The following GCGR variants were observed in gnomAD, a reference collection of about 807,000 sequenced individuals.
GCGR encodes glucagon receptor.
A neutral mutation model predicts 56.1 loss-of-function variants in GCGR; 41 were observed. The ratio of observed to expected loss-of-function variants is 0.73; its 90% CI spans 0.57 to 0.95. GCGR has a LOEUF of 0.95. Among genes scored for constraint, GCGR ranks in the 40% least tolerant of loss-of-function variants. The pLI is 0.00. For missense variants in GCGR, 595 were observed against 638.2 expected (o/e 0.93, Z 0.73); for synonymous variants, 278 against 271.1 (o/e 1.03, Z -0.25).
chr17:81,812,367 C>A lies in GCGR; in HGVS notation c.948+115C>A. 1 of 1,241,784 alleles carries A rather than the reference C, an allele frequency of 8.1e-7. No homozygotes were observed. The highest frequency in any genetic ancestry group is 1.1e-6 in the Non-Finnish European group (1 of 886,920). The allele number at this position is 1,241,784 out of a possible 1,614,324, so 76.9% of individuals were successfully genotyped here. ...AGAGCGCTGGGAGGGAGCCGGCACC[C>A]AGACAGGACACCAGGACACTGGCCA... On this transcript the variant is annotated intron_variant, in intron 10 of 13. Transcript: ENST00000400723. This position sits in a 1 kb window ranked among gnomAD's most constrained non-coding sequence, Gnocchi z 8.5.
In GCGR at chr17:81,810,529, G is replaced by A. The variant is rs1261060459; in HGVS notation, c.164-296G>A. On this transcript the variant is annotated intron_variant, in intron 3 of 13. Coordinates refer to ENST00000400723, the MANE Select transcript of GCGR (RefSeq NM_000160.5). This position sits in a 1 kb window ranked among gnomAD's most constrained non-coding sequence, Gnocchi z 4.6. ...GAATGGGGGACCCCAGTGTGGGTTT[G>A]GGGCACATTTGAGATGGGGGGTCTC... 3 of 526,304 alleles carry A rather than the reference G, an allele frequency of 5.7e-6. No individual in the cohort carries two copies. In the African/African-American group the frequency reaches 5.7e-5, roughly 10 times the overall value. The allele number at this position is 526,304 out of a possible 1,614,324, so 32.6% of individuals were successfully genotyped here.
chr17:81,812,150 G>C lies in GCGR; in HGVS notation c.879-33G>C. The C allele has an allele frequency of 6.5e-7, 1 of 1,533,532 alleles. No individual in the cohort carries two copies. Among genetic ancestry groups the C allele is most frequent in the Non-Finnish European group, 8.7e-7 (1 of 1,144,480 alleles). 95.0% of individuals were successfully genotyped at this position (1,533,532 alleles called of 1,614,324 possible). On this transcript the variant is annotated intron_variant, in intron 9 of 13. Transcript: ENST00000400723. The surrounding 1 kb of genome is among the most constrained non-coding windows in gnomAD (Gnocchi z 8.5). ...CTGAGGGGCGGAGGGGCTGGGGGCT[G>C]TGCCCCAGTATGTGAGTGGCCTGGC...
Position 81,809,662 on chromosome 17 carries a change from TCTGC to T in GCGR, c.61-116_61-113del. ...GTCTGTCTGCCTGTCTGCCTGTCTG[TCTGC>T]CTGTCTGTCCATCTGCCTATCCATC... On this transcript the variant is annotated intron_variant, in intron 2 of 13. Transcript: ENST00000400723. The T allele has an allele frequency of 6.9e-6, 5 of 729,514 alleles. No individual in the cohort carries two copies. In the South Asian group the frequency reaches 8.3e-5, roughly 12 times the overall value. The allele number at this position is 729,514 out of a possible 1,614,324, so 45.2% of individuals were successfully genotyped here.
chr17:81,812,134 G>A lies in GCGR; in HGVS notation c.879-49G>A, dbSNP rs1487890652. The A allele has an allele frequency of 1.7e-5, 26 of 1,531,616 alleles. No individual in the cohort carries two copies. Among genetic ancestry groups the A allele is most frequent in the Middle Eastern group, 3.4e-4 (2 of 5,874 alleles). The allele number at this position is 1,531,616 out of a possible 1,614,324, so 94.9% of individuals were successfully genotyped here. ...AATCGGGACGGGGGTGCTGAGGGGC[G>A]GAGGGGCTGGGGGCTGTGCCCCAGT... On this transcript the variant is annotated intron_variant, in intron 9 of 13. Coordinates refer to ENST00000400723, the MANE Select transcript of GCGR (RefSeq NM_000160.5). The surrounding 1 kb of genome is among the most constrained non-coding windows in gnomAD (Gnocchi z 8.5).
At position 81,804,603 on chromosome 17, in the gene GCGR, G is replaced by A. The variant is rs1223079930; in HGVS notation, c.-178+354G>A. Among the ~76,000 whole-genome samples, 2 of 151,328 alleles carry A rather than the reference G, an allele frequency of 1.3e-5. No homozygotes were observed. Among genetic ancestry groups the A allele is most frequent in the Non-Finnish European group, 1.5e-5 (1 of 67,840 alleles). On this transcript the variant is annotated intron_variant, in intron 1 of 13. Coordinates refer to ENST00000400723, the MANE Select transcript of GCGR (RefSeq NM_000160.5). This position sits in a 1 kb window ranked among gnomAD's most constrained non-coding sequence, Gnocchi z 8.2. ...CCCACTCAGGGCCCCGGGCCCCGCCGCCCTGGGGAGCGCACAAAGCGCCGC... is the reference window on the plus strand; with the variant it reads ...CCCACTCAGGGCCCCGGGCCCCGCCACCCTGGGGAGCGCACAAAGCGCCGC...
rs895719849 is a variant in GCGR, at chr17:81,810,500, C to T, written c.164-325C>T. On this transcript the variant is annotated intron_variant, in intron 3 of 13. Transcript: ENST00000400723. This position sits in a 1 kb window ranked among gnomAD's most constrained non-coding sequence, Gnocchi z 4.6. ...AGAGGGAGGTGCTGAGAGAAGGTCA[C>T]GGAGAATGGGGGACCCCAGTGTGGG... 1.1e-5 allele frequency: 5 copies of T among 462,702 alleles called. No homozygotes were observed. Among genetic ancestry groups the T allele is most frequent in the Middle Eastern group, 6.0e-4 (1 of 1,672 alleles). 28.7% of individuals were successfully genotyped at this position (462,702 alleles called of 1,614,324 possible).
rs2038020379 is a variant in GCGR, at chr17:81,809,097, C to G, written c.60+19C>G. 2.0e-6 allele frequency: 3 copies of G among 1,534,846 alleles called. No individual in the cohort carries two copies. The highest frequency in any genetic ancestry group is 2.6e-6 in the Non-Finnish European group (3 of 1,146,198). On this transcript the variant is annotated intron_variant, in intron 2 of 13. Coordinates refer to ENST00000400723, the MANE Select transcript of GCGR (RefSeq NM_000160.5). ...CTGCCAGGTGAGGACTCACAGCACC[C>G]TCAGCACCCAGGGGCCCTCCTGTGA...
chr17:81,813,004 C>A lies in GCGR; in HGVS notation c.1177-12C>A. 1 of 1,536,432 alleles carries A rather than the reference C, an allele frequency of 6.5e-7. No homozygotes were observed. Among genetic ancestry groups the A allele is most frequent in the South Asian group, 1.2e-5 (1 of 84,062 alleles). On this transcript the variant is annotated splice_polypyrimidine_tract_variant and intron_variant, in intron 12 of 13. Coordinates refer to ENST00000400723, the MANE Select transcript of GCGR (RefSeq NM_000160.5). The surrounding 1 kb of genome is among the most constrained non-coding windows in gnomAD (Gnocchi z 5.3). ...GCGCAGTGTGCCACCCCTGACCACCCTGTCTCTCCAGGGCCTGCTGGTGGC... is the reference window on the plus strand; with the variant it reads ...GCGCAGTGTGCCACCCCTGACCACCATGTCTCTCCAGGGCCTGCTGGTGGC...
chr17:81,809,430 T>TCTGCCTGTCCGTCTGCCTGC (rs2038037908), intron 2 of GCGR, among the ~76,000 whole-genome samples: 1 of 138,682 alleles, frequency 7.2e-6, no homozygotes, highest in Non-Finnish European at 1.5e-5. Context: ...TGCCTGTCCG[T>TCTGCCTGTCCGTCTGCCTGC]CTGCCTGTCC....
Position 81,806,398 on chromosome 17 carries a change from G to C in GCGR, c.-178+2149G>C, listed in dbSNP as rs1011809583. ...TGTGGCCTGTGGATGCTGAGCTGTC[G>C]GGGGAATCCTCCAGGATCCCCAGCC... On this transcript the variant is annotated intron_variant, in intron 1 of 13. Coordinates refer to ENST00000400723, the MANE Select transcript of GCGR (RefSeq NM_000160.5). The surrounding 1 kb of genome is among the most constrained non-coding windows in gnomAD (Gnocchi z 6.5). Among the ~76,000 whole-genome samples the C allele has an allele frequency of 2.0e-5, 3 of 152,102 alleles. No individual in the cohort carries two copies. Among genetic ancestry groups the C allele is most frequent in the African/African-American group, 7.2e-5 (3 of 41,412 alleles).
At chr17:81,809,166 G>A in intron 2 of GCGR, 88 bp downstream of exon 2, 1 of 1,438,652 alleles carries the variant, frequency 7.0e-7, no homozygotes, top group East Asian at 2.5e-5. Context: ...CTGCCTGCCT[G>A]CCTGTCTGCC....
Position 81,810,957 on chromosome 17 carries a change from G to C in GCGR, c.271+25G>C, listed in dbSNP as rs746534593. ...GGTACCCATAGAGGGGAGGAACTGT[G>C]GGGGGGGCGGGCCCAGGGTGGGGCT... On this transcript the variant is annotated intron_variant, in intron 4 of 13. Coordinates refer to ENST00000400723, the MANE Select transcript of GCGR (RefSeq NM_000160.5). The surrounding 1 kb of genome is among the most constrained non-coding windows in gnomAD (Gnocchi z 4.6). 8 of 1,535,012 alleles carry C rather than the reference G, an allele frequency of 5.2e-6. 1 individual carries two copies. Among genetic ancestry groups the C allele is most frequent in the African/African-American group, 2.7e-5 (2 of 72,888 alleles).
intron 2 of GCGR, 109 bp downstream of exon 2, chr17:81,809,187 TCTGTCTGC>T (rs2038024360): frequency 2.3e-6 from 3 of 1,330,262 alleles, no homozygotes; most frequent in Non-Finnish European, 2.0e-6. Flanking sequence ...TGCCTGTCTG[TCTGTCTGC>T]CCGTCTGCCT....
At chr17:81,809,212 C>T (rs1356205005) in intron 2 of GCGR, 134 bp downstream of exon 2, 7 of 1,078,114 alleles carry the variant, frequency 6.5e-6, no homozygotes, top group Middle Eastern at 2.8e-4. Context: ...GCCTGCCCAT[C>T]TGCCTGTCTG....
Position 81,813,407 on chromosome 17 carries a change from G to A in GCGR, c.1219-67G>A. The A allele has an allele frequency of 2.1e-6, 3 of 1,429,256 alleles. No homozygotes were observed. The highest frequency in any genetic ancestry group is 2.5e-5 in the South Asian group (2 of 80,748). The allele number at this position is 1,429,256 out of a possible 1,614,324, so 88.5% of individuals were successfully genotyped here. On this transcript the variant is annotated intron_variant, in intron 13 of 13. Transcript: ENST00000400723. This position sits in a 1 kb window ranked among gnomAD's most constrained non-coding sequence, Gnocchi z 5.3. ...CTGGGCATCTCCGATGAGGCCCACA[G>A]CAGGTCCCGGTGGGGTGGAGAGGAC...
chr17:81,808,107 CAT>C (rs977536006), intron 1 of GCGR, among the ~76,000 whole-genome samples: 7 of 152,268 alleles, frequency 4.6e-5, no homozygotes, highest in East Asian at 1.9e-4. Flanking sequence ...AGGGGGCACA[CAT>C]GTGACACAGA....
At position 81,813,060 on chromosome 17, in the gene GCGR, A is replaced by G. The variant is rs1222011126; in HGVS notation, c.1218+3A>G. 2.6e-6 allele frequency: 4 copies of G among 1,535,802 alleles called. No individual in the cohort carries two copies. The highest frequency in any genetic ancestry group is 1.4e-5 in the African/African-American group (1 of 72,994). Reference sequence around the variant, plus strand: ...TCTACTGCTTCCTCAACAAGGAGGTAGGTGGGAGTGGGGGCATCTGAGACC... The same window carrying G: ...TCTACTGCTTCCTCAACAAGGAGGTGGGTGGGAGTGGGGGCATCTGAGACC... On this transcript the variant is annotated splice_donor_region_variant and intron_variant, in intron 13 of 13. Transcript: ENST00000400723. The surrounding 1 kb of genome is among the most constrained non-coding windows in gnomAD (Gnocchi z 5.3).
At position 81,811,959 on chromosome 17, in the gene GCGR, G is replaced by A. The variant is rs372749709; in HGVS notation, c.878+13G>A. On this transcript the variant is annotated intron_variant, in intron 9 of 13. Coordinates refer to ENST00000400723, the MANE Select transcript of GCGR (RefSeq NM_000160.5). The surrounding 1 kb of genome is among the most constrained non-coding windows in gnomAD (Gnocchi z 5.8). ...TCGAGAACGTCCAGTGAGTATGAGCGGCTGGACAGCCTGGGGAGGGACCGG... is the reference window on the plus strand; with the variant it reads ...TCGAGAACGTCCAGTGAGTATGAGCAGCTGGACAGCCTGGGGAGGGACCGG... 2.8e-4 allele frequency: 424 copies of A among 1,536,880 alleles called. 1 individual carries two copies. Among genetic ancestry groups the A allele is most frequent in the Non-Finnish European group, 3.3e-4 (382 of 1,146,848 alleles).
At position 81,812,843 on chromosome 17, in the gene GCGR, G is replaced by A; in HGVS notation, c.1074G>A (p.Leu358=). 1.3e-6 allele frequency: 2 copies of A among 1,535,918 alleles called. No individual in the cohort carries two copies. Among genetic ancestry groups the A allele is most frequent in the South Asian group, 1.2e-5 (1 of 84,060 alleles). Residue 358 remains leucine, a synonymous_variant, in exon 12 of 14, where the codon CTG becomes CTA. Coordinates refer to ENST00000400723, the MANE Select transcript of GCGR (RefSeq NM_000160.5). This position sits in a 1 kb window ranked among gnomAD's most constrained non-coding sequence, Gnocchi z 8.5. ...CCACGCTGACCCTCATCCCTCTGCT[G>A]GGCGTCCACGAAGTGGTCTTCGCCT... ...AKSTLTLIPL[L]GVHEVVFAFV... is the part of the protein sequence containing the mutation.
Sources: gnomAD v4.1 joint callset for allele counts (sites outside exome capture counted in the v4.1 genomes callset) on GRCh38, gnomAD v4.1.1 for gene constraint, Gnocchi (gnomAD v3.1) non-coding constraint, MANE v1.5 for transcripts, NCBI Gene and HGNC (gene_info 2026-07-23, HGNC 2026-07-21) for gene names.